Variants in TBC1D5 observed in about 807,000 individuals in gnomAD.
TBC1D5 encodes TBC1 domain family, member 5.
In TBC1D5, 75 loss-of-function variants were observed where a neutral mutation model predicts 100.3. The ratio of observed to expected loss-of-function variants is 0.75; its 90% confidence interval spans 0.62 to 0.91. The LOEUF (loss-of-function observed/expected upper bound fraction) is 0.91. Ranked by LOEUF, TBC1D5 falls within the 40% of genes least tolerant of loss-of-function variation. The pLI is 0.00. For missense variants in TBC1D5, 910 were observed against 942.4 expected, an observed-to-expected ratio of 0.97 and a Z score of 0.45; for synonymous variants, 323 against 325.6, an observed-to-expected ratio of 0.99 and a Z score of 0.09.
intron 3 of TBC1D5, among the ~76,000 whole-genome samples, chr3:17,467,647 G>C (rs1266724194): frequency 2.0e-5 from 3 of 151,962 alleles, no homozygotes; most frequent in Non-Finnish European, 4.4e-5. Flanking sequence ...GGCTAAGGCG[G>C]GCAGATCACA....
chr3:17,706,422 T>TACAC (rs34977117), intron 1 of TBC1D5, among the ~76,000 whole-genome samples: 2,215 of 151,406 alleles, frequency 0.015, 50 homozygotes, highest in African/African-American at 0.05. Flanking sequence ...CAACTTTACT[T>TACAC]ACACACACAC....
chr3:17,671,610 T>C (rs2067950999), intron 1 of TBC1D5, among the ~76,000 whole-genome samples: 1 of 152,180 alleles, frequency 6.6e-6, no homozygotes, highest in Non-Finnish European at 1.5e-5. Context: ...AATAGCTATT[T>C]TGAATGGGTT....
intron 8 of TBC1D5, among the ~76,000 whole-genome samples, chr3:17,400,266 A>T (rs983504482): frequency 2.0e-5 from 3 of 152,162 alleles, no homozygotes; most frequent in African/African-American, 7.2e-5. Context: ...AACACTTTAT[A>T]ACCTTATCTG....
At chr3:17,643,104 T>C (rs1312000426) in intron 1 of TBC1D5, among the ~76,000 whole-genome samples, 55 of 152,098 alleles carry the variant, frequency 3.6e-4, no homozygotes, top group Admixed American at 3.6e-3. Flanking sequence ...TTGTCATGTG[T>C]CCTTAGCCTC....
intron 8 of TBC1D5, among the ~76,000 whole-genome samples, chr3:17,388,923 A>C (rs1322537553): frequency 6.6e-6 from 1 of 152,102 alleles, no homozygotes; most frequent in Non-Finnish European, 1.5e-5. Flanking sequence ...AACACTACTA[A>C]TAATAAAAAT....
At chr3:17,657,604 G>A (rs1379536565) in intron 1 of TBC1D5, among the ~76,000 whole-genome samples, 1 of 152,030 alleles carries the variant, frequency 6.6e-6, no homozygotes, top group Non-Finnish European at 1.5e-5. Context: ...CAAAGTGCTG[G>A]GATTACAGGC....
intron 2 of TBC1D5, among the ~76,000 whole-genome samples, chr3:17,544,795 C>T (rs2096398700): frequency 1.3e-5 from 2 of 152,080 alleles, no homozygotes; most frequent in Admixed American, 1.3e-4. Context: ...AATGTAGCCT[C>T]CTATCTCCTA....
At chr3:17,484,561 T>C (rs1003835375) in intron 3 of TBC1D5, among the ~76,000 whole-genome samples, 2 of 151,954 alleles carry the variant, frequency 1.3e-5, no homozygotes, top group African/African-American at 4.8e-5. Context: ...CACCAGGGTG[T>C]GTGTGTGTGT....
intron 13 of TBC1D5, among the ~76,000 whole-genome samples, chr3:17,369,145 T>C: frequency 6.6e-6 from 1 of 152,156 alleles, no homozygotes; most frequent in East Asian, 1.9e-4. Context: ...TCCCAACTTC[T>C]ATAGCATCAC....
intron 1 of TBC1D5, among the ~76,000 whole-genome samples, chr3:17,631,707 C>A (rs1451670239): frequency 6.6e-6 from 1 of 152,176 alleles, no homozygotes. Flanking sequence ...TATGCTAATT[C>A]TACTCTGTGC....
intron 3 of TBC1D5, among the ~76,000 whole-genome samples, chr3:17,492,215 T>C (rs1021890013): frequency 2.6e-5 from 4 of 152,136 alleles, no homozygotes; most frequent in Admixed American, 2.6e-4. Flanking sequence ...ATTTTATTAA[T>C]TTTTTCAAAA....
At chr3:17,726,067 T>C (rs933703149) in intron 1 of TBC1D5, among the ~76,000 whole-genome samples, 3 of 152,246 alleles carry the variant, frequency 2.0e-5, no homozygotes, top group African/African-American at 7.2e-5. Context: ...TATGGCTGCA[T>C]GGTATTCCAT....
Position 17,291,676 on chromosome 3 carries a change from T to G in TBC1D5, c.1245+219A>C, listed in dbSNP as rs536857930. 6.6e-5 allele frequency among the ~76,000 whole-genome samples: 10 copies of G among 152,304 alleles called. No individual in the cohort carries two copies. The South Asian group carries it at 2.1e-3, about 32-fold the overall frequency. ...ATAACCTTCTGTGGGAAAAGAGACA[T>G]GTGTTCCAGTTTCTCATGGCAAGGT... On this transcript the variant is annotated intron_variant, in intron 15 of 21. Coordinates refer to ENST00000253692, the Ensembl canonical transcript of TBC1D5.
intron 3 of TBC1D5, among the ~76,000 whole-genome samples, chr3:17,433,382 A>G (rs2094478328): frequency 6.6e-6 from 1 of 152,250 alleles, no homozygotes; most frequent in African/African-American, 2.4e-5. Flanking sequence ...GGAAGGCCTC[A>G]GGAAACTTAC....
rs1443644485 is a variant in TBC1D5 at position 17,352,685 on chromosome 3, A to AAAAAAAC, written c.995+19389_995+19390insGTTTTTT. On this transcript the variant is annotated intron_variant, in intron 13 of 21. Transcript: ENST00000253692. ...TAACTACAATACAAAGCAAAAGGCAAAAAAAAAAAAAAAACAAAAAAACCT... is the reference window on the plus strand; with the variant it reads ...TAACTACAATACAAAGCAAAAGGCAAAAAAAACAAAAAAAAAAAAAACAAAAAAACCT... 7.4e-3 allele frequency among the ~76,000 whole-genome samples: 1,086 copies of AAAAAAAC among 146,420 alleles called. 25 individuals are homozygous for AAAAAAAC. Among genetic ancestry groups the AAAAAAAC allele is most frequent in the African/African-American group, 0.026 (1,021 of 39,524 alleles).
At chr3:17,486,000 C>G (rs1208856274) in intron 3 of TBC1D5, among the ~76,000 whole-genome samples, 5 of 151,900 alleles carry the variant, frequency 3.3e-5, no homozygotes, top group African/African-American at 1.2e-4. Flanking sequence ...CTCTCCAGCA[C>G]CTGTTGTTTC....
At chr3:17,724,241 C>T (rs944179894) in intron 1 of TBC1D5, among the ~76,000 whole-genome samples, 1 of 151,988 alleles carries the variant, frequency 6.6e-6, no homozygotes, top group African/African-American at 2.4e-5. Flanking sequence ...CACCAGCACA[C>T]GCCACCATGC....
At chr3:17,466,342 G>A (rs2095301380) in intron 3 of TBC1D5, among the ~76,000 whole-genome samples, 1 of 152,112 alleles carries the variant, frequency 6.6e-6, no homozygotes, top group African/African-American at 2.4e-5. Context: ...CACAGCCTCT[G>A]CTTTCAAAGA....
intron 2 of TBC1D5, among the ~76,000 whole-genome samples, chr3:17,623,200 C>G (rs1347040417): frequency 6.6e-6 from 1 of 152,124 alleles, no homozygotes; most frequent in East Asian, 1.9e-4. Context: ...TGATGAAACA[C>G]AGATTCTGAC....
Sources: gnomAD v4.1 joint callset for allele counts (sites outside exome capture counted in the v4.1 genomes callset) on GRCh38, gnomAD v4.1.1 for gene constraint, MANE v1.5 for transcripts, NCBI Gene and HGNC (gene_info 2026-07-23, HGNC 2026-07-21) for gene names.